CNTNAP2: variants seen among roughly 807,000 people sequenced by gnomAD.
CNTNAP2 encodes contactin associated protein 2.
In CNTNAP2, 98 loss-of-function variants were observed where a neutral mutation model predicts 155.2. The observed-to-expected ratio is 0.63, with a 90% confidence interval of 0.54 to 0.75. The LOEUF (loss-of-function observed/expected upper bound fraction) is 0.75. CNTNAP2 is among the 30% of genes least tolerant of loss of function. The pLI, the probability that CNTNAP2 is intolerant of heterozygous loss-of-function variation, is 0.00. For synonymous variants in CNTNAP2, 651 were observed against 631.2 expected, an observed-to-expected ratio of 1.03 and a Z score of -0.47; for missense variants, 1,727 against 1,688.1, an observed-to-expected ratio of 1.02 and a Z score of -0.40.
At chr7:147,509,941 T>C (rs1454434615) in intron 11 of CNTNAP2, among the ~76,000 whole-genome samples, 3 of 152,134 alleles carry the variant, frequency 2.0e-5, no homozygotes, top group Non-Finnish European at 4.4e-5. Flanking sequence ...TATGGTTTTT[T>C]GCTTTGTTTC....
At chr7:146,338,627 C>T (rs1378693311) in intron 1 of CNTNAP2, among the ~76,000 whole-genome samples, 1 of 152,134 alleles carries the variant, frequency 6.6e-6, no homozygotes, top group Non-Finnish European at 1.5e-5. Context: ...CCACTCATGG[C>T]TCAACATTTG....
At chr7:147,584,907 C>G (rs965018845) in intron 12 of CNTNAP2, among the ~76,000 whole-genome samples, 7 of 152,062 alleles carry the variant, frequency 4.6e-5, no homozygotes, top group African/African-American at 1.7e-4. Context: ...GAAGGATGCC[C>G]TTGATGGCCT....
intron 18 of CNTNAP2, among the ~76,000 whole-genome samples, chr7:148,198,502 T>C (rs1475604654): frequency 6.6e-6 from 1 of 152,162 alleles, no homozygotes; most frequent in South Asian, 2.1e-4. Context: ...CTTCCACAGC[T>C]CCTGTAAAAT....
At chr7:147,614,557 G>T (rs1801246291) in intron 12 of CNTNAP2, among the ~76,000 whole-genome samples, 1 of 151,240 alleles carries the variant, frequency 6.6e-6, no homozygotes, top group African/African-American at 2.4e-5. Context: ...TTTCTAACAG[G>T]TTTGAAAATT....
At chr7:147,646,090 CATG>C (rs1403914962) in intron 13 of CNTNAP2, among the ~76,000 whole-genome samples, 7 of 152,154 alleles carry the variant, frequency 4.6e-5, no homozygotes, top group African/African-American at 1.7e-4. Context: ...ACATGGACTG[CATG>C]TCTGGGAGGC....
intron 13 of CNTNAP2, among the ~76,000 whole-genome samples, chr7:147,715,641 A>G (rs1003617871): frequency 5.9e-5 from 9 of 152,030 alleles, no homozygotes; most frequent in Non-Finnish European, 1.2e-4. Context: ...CCCAGTCTGC[A>G]ATTTGTCTTT....
chr7:148,326,947 T>C (rs1797902867), intron 21 of CNTNAP2, among the ~76,000 whole-genome samples: 1 of 152,104 alleles, frequency 6.6e-6, no homozygotes, highest in African/African-American at 2.4e-5. Context: ...GGCCACAGTT[T>C]TGGTGTTCAC....
chr7:146,770,382 C>G (rs1802273608), intron 1 of CNTNAP2, among the ~76,000 whole-genome samples: 1 of 150,922 alleles, frequency 6.6e-6, no homozygotes, highest in Admixed American at 6.6e-5. Flanking sequence ...GTAGTGAAAA[C>G]AGCAAAATGC....
chr7:146,545,305 C>T (rs978658682), intron 1 of CNTNAP2, among the ~76,000 whole-genome samples: 48 of 151,648 alleles, frequency 3.2e-4, no homozygotes, highest in African/African-American at 1.1e-3. Context: ...TCGAAGTTCT[C>T]TTTGTAACAC....
At chr7:146,999,720 G>A (rs938637357) in intron 3 of CNTNAP2, among the ~76,000 whole-genome samples, 8 of 151,886 alleles carry the variant, frequency 5.3e-5, no homozygotes, top group Admixed American at 2.6e-4. Context: ...CTCTTAGCCC[G>A]TAAGATTTTT....
At chr7:147,920,073 C>T (rs1800243700) in intron 14 of CNTNAP2, among the ~76,000 whole-genome samples, 1 of 151,586 alleles carries the variant, frequency 6.6e-6, no homozygotes, top group African/African-American at 2.4e-5. Flanking sequence ...AAAAAGTATG[C>T]CTTGGCCGGG....
chr7:146,908,036 G>A (rs1796178808), intron 3 of CNTNAP2, among the ~76,000 whole-genome samples: 2 of 152,086 alleles, frequency 1.3e-5, no homozygotes, highest in African/African-American at 2.4e-5. Flanking sequence ...AACCAACAAA[G>A]ATCAAAAGAG....
intron 13 of CNTNAP2, among the ~76,000 whole-genome samples, chr7:147,875,436 C>T (rs1022276069): frequency 6.6e-6 from 1 of 152,096 alleles, no homozygotes; most frequent in African/African-American, 2.4e-5. Context: ...AGGAAAAACC[C>T]AGCCCCATGA....
rs145825788 is a variant in CNTNAP2 at position 146,635,657 on chromosome 7, C to G, written c.98-138614C>G. Among the ~76,000 whole-genome samples the G allele has an allele frequency of 1.3e-3, 204 of 152,186 alleles. 2 individuals carry two copies. The highest frequency in any genetic ancestry group is 6.8e-3 in the Middle Eastern group (2 of 292). ...AGACTGTAAGAGGCTTTTGTCTGTT[C>G]CACTCACAGCAAAGCCCGTATGCTC... On this transcript the variant is annotated intron_variant, in intron 1 of 23. Coordinates refer to ENST00000361727, the MANE Select transcript of CNTNAP2 (RefSeq NM_014141.6).
At chr7:146,575,683 G>A (rs1798513411) in intron 1 of CNTNAP2, among the ~76,000 whole-genome samples, 1 of 152,156 alleles carries the variant, frequency 6.6e-6, no homozygotes, top group Non-Finnish European at 1.5e-5. Context: ...GAAATATGTT[G>A]TCAGTGGGAA....
intron 21 of CNTNAP2, among the ~76,000 whole-genome samples, chr7:148,364,128 C>G (rs756493678): frequency 6.6e-6 from 1 of 152,196 alleles, no homozygotes; most frequent in East Asian, 1.9e-4. Flanking sequence ...CGAGCCTCCC[C>G]GACGAGCGCC....
intron 1 of CNTNAP2, among the ~76,000 whole-genome samples, chr7:146,267,521 G>A (rs892414365): frequency 6.6e-5 from 10 of 152,162 alleles, no homozygotes; most frequent in Admixed American, 4.6e-4. Context: ...AAACCCCAAG[G>A]TGATGATAAT....
At chr7:146,544,103 C>T (rs987007846) in intron 1 of CNTNAP2, among the ~76,000 whole-genome samples, 3 of 151,956 alleles carry the variant, frequency 2.0e-5, no homozygotes, top group Non-Finnish European at 4.4e-5. Context: ...ATAATTAAAA[C>T]TGGGACAATT....
At chr7:147,446,096 C>A (rs1008520371) in intron 10 of CNTNAP2, among the ~76,000 whole-genome samples, 1 of 151,398 alleles carries the variant, frequency 6.6e-6, no homozygotes, top group Non-Finnish European at 1.5e-5. Context: ...AGGATCAGGG[C>A]AAGACACACT....
Sources: allele counts gnomAD v4.1 joint callset (sites outside exome capture counted in the v4.1 genomes callset), GRCh38; gene constraint gnomAD v4.1.1; transcripts MANE v1.5; gene names NCBI Gene and HGNC (gene_info 2026-07-23, HGNC 2026-07-21).